KAZN: variants seen among roughly 807,000 people sequenced by gnomAD.
KAZN encodes kazrin.
Under a neutral mutation model 87.4 loss-of-function variants are expected in KAZN, and 40 were observed. That is an observed-to-expected ratio of 0.46 (90% CI 0.36 to 0.60). KAZN has a LOEUF of 0.60. KAZN is among the 20% of genes least tolerant of loss of function. KAZN has a pLI of 0.00. For synonymous variants in KAZN, 466 were observed against 458.3 expected, an observed-to-expected ratio of 1.02 and a Z score of -0.22; for missense variants, 898 against 1,073.9, an observed-to-expected ratio of 0.84 and a Z score of 2.29.
intron 1 of KAZN, among the ~76,000 whole-genome samples, chr1:14,122,426 A>C (rs1644771580): frequency 6.6e-6 from 1 of 152,082 alleles, no homozygotes; most frequent in Admixed American, 6.5e-5. Context: ...GAATGAGCAC[A>C]CTGCTTTTTG....
intron 2 of KAZN, among the ~76,000 whole-genome samples, chr1:14,394,069 G>C (rs886607459): frequency 6.6e-6 from 1 of 152,082 alleles, no homozygotes; most frequent in Non-Finnish European, 1.5e-5. Flanking sequence ...ATGTTCTCTT[G>C]TCACCAAATG....
chr1:14,389,533 A>T (rs1286744407), intron 2 of KAZN, among the ~76,000 whole-genome samples: 1 of 152,204 alleles, frequency 6.6e-6, no homozygotes, highest in African/African-American at 2.4e-5. Context: ...AAAGAACAAG[A>T]TCCTGTCATT....
At chr1:14,797,435 A>T (rs1402712901) in intron 1 of KAZN, among the ~76,000 whole-genome samples, 1 of 152,168 alleles carries the variant, frequency 6.6e-6, no homozygotes, top group Non-Finnish European at 1.5e-5. Flanking sequence ...GGGAACCTGG[A>T]AGCCGTTCCA....
At chr1:14,430,744 G>T (rs12130873) in intron 2 of KAZN, among the ~76,000 whole-genome samples, 10,654 of 152,284 alleles carry the variant, frequency 0.07, 585 homozygotes, top group South Asian at 0.11. Context: ...CTGAGCACAA[G>T]CAGCCCAGTT....
At chr1:14,467,927 A>C (rs1668252846) in intron 2 of KAZN, among the ~76,000 whole-genome samples, 1 of 152,142 alleles carries the variant, frequency 6.6e-6, no homozygotes, top group Non-Finnish European at 1.5e-5. Context: ...CTTGGGTCAA[A>C]TGTCCACACC....
intron 1 of KAZN, among the ~76,000 whole-genome samples, chr1:14,733,077 C>A (rs1643750630): frequency 6.6e-6 from 1 of 152,104 alleles, no homozygotes; most frequent in South Asian, 2.1e-4. Flanking sequence ...TGAGCAACCA[C>A]TTTCTTAGAA....
intron 1 of KAZN, among the ~76,000 whole-genome samples, chr1:14,697,153 A>G (rs28568955): frequency 1.6e-4 from 21 of 130,412 alleles, no homozygotes; most frequent in Non-Finnish European, 2.2e-4. Flanking sequence ...AAAAAAAAAA[A>G]AAAAGAAAAG....
At chr1:14,119,361 G>A (rs1199745561) in intron 1 of KAZN, among the ~76,000 whole-genome samples, 1 of 152,132 alleles carries the variant, frequency 6.6e-6, no homozygotes, top group Non-Finnish European at 1.5e-5. Context: ...TTGTGTTAGG[G>A]CAATTATTTT....
At chr1:14,713,775 C>CAAAA (rs58947119) in intron 1 of KAZN, among the ~76,000 whole-genome samples, 574 of 93,682 alleles carry the variant, frequency 6.1e-3, no homozygotes, top group Middle Eastern at 8.3e-3. Flanking sequence ...CTCATCTCTA[C>CAAAA]AAAAAAAAAA....
chr1:14,251,793 T>C (rs996375075), intron 2 of KAZN, among the ~76,000 whole-genome samples: 5 of 151,744 alleles, frequency 3.3e-5, no homozygotes, highest in African/African-American at 1.2e-4. Context: ...GGACTACAGA[T>C]GCATGCAACC....
intron 1 of KAZN, among the ~76,000 whole-genome samples, chr1:14,874,470 CTGGATGGATGGATGGATGGATGGATGGA>C (rs58006026): frequency 1.6e-4 from 23 of 147,976 alleles, no homozygotes; most frequent in Admixed American, 8.2e-4. Context: ...AGCTGGCTGA[CTGGATGGATGGATGGATGGATGGATGGA>C]TGGATGGATG....
At chr1:15,091,533 G>A (rs1161268988) in intron 8 of KAZN, among the ~76,000 whole-genome samples, 2 of 152,140 alleles carry the variant, frequency 1.3e-5, no homozygotes, top group Non-Finnish European at 2.9e-5. Context: ...TGTAATTTTA[G>A]TAGAGATGGG....
intron 2 of KAZN, among the ~76,000 whole-genome samples, chr1:14,226,308 T>A (rs12047977): frequency 0.31 from 46,320 of 151,646 alleles, 7,239 homozygotes; most frequent in East Asian, 0.48. Flanking sequence ...ATGAAAAAAA[T>A]TTTCAATATC....
intron 2 of KAZN, among the ~76,000 whole-genome samples, chr1:14,419,578 G>C (rs146106993): frequency 1.3e-5 from 2 of 152,330 alleles, no homozygotes; most frequent in Non-Finnish European, 2.9e-5. Flanking sequence ...GAACGAAGCC[G>C]TGGACCCTCG....
At chr1:14,064,590 ATTTGAG>A (rs1490709659) in intron 1 of KAZN, among the ~76,000 whole-genome samples, 3 of 150,694 alleles carry the variant, frequency 2.0e-5, no homozygotes, top group Non-Finnish European at 3.0e-5. Flanking sequence ...TTTAGCACCC[ATTTGAG>A]CTGATGGGCA....
At chr1:14,361,944 G>A (rs1359384367) in intron 2 of KAZN, among the ~76,000 whole-genome samples, 1 of 152,210 alleles carries the variant, frequency 6.6e-6, no homozygotes, top group Non-Finnish European at 1.5e-5. Flanking sequence ...CTATTGGCCT[G>A]AGATCCTCAT....
chr1:14,849,422 C>T (rs922736728), intron 1 of KAZN, among the ~76,000 whole-genome samples: 3 of 152,214 alleles, frequency 2.0e-5, no homozygotes, highest in African/African-American at 7.2e-5. Flanking sequence ...GGGCTCTGCA[C>T]TGAGCACATT....
At chr1:14,785,012 C>T (rs1302975922) in intron 1 of KAZN, among the ~76,000 whole-genome samples, 7 of 148,258 alleles carry the variant, frequency 4.7e-5, no homozygotes, top group Admixed American at 4.1e-4. Context: ...GATAATGCCT[C>T]GGGGGTACTT....
chr1:14,193,065 C>A (rs766949570), intron 2 of KAZN, among the ~76,000 whole-genome samples: 1 of 152,074 alleles, frequency 6.6e-6, no homozygotes, highest in Non-Finnish European at 1.5e-5. Context: ...TGATAATGAG[C>A]GAGTTCTCAA....
Sources: gnomAD v4.1 joint callset for allele counts (sites outside exome capture counted in the v4.1 genomes callset) on GRCh38, gnomAD v4.1.1 for gene constraint, MANE v1.5 for transcripts, NCBI Gene and HGNC (gene_info 2026-07-23, HGNC 2026-07-21) for gene names.